Variants in C7orf57 observed in about 807,000 individuals in gnomAD.
C7orf57 encodes uncharacterized protein C7orf57.
A neutral mutation model predicts 39.0 loss-of-function variants in C7orf57; 33 were observed. The observed-to-expected ratio is 0.85, with a 90% CI of 0.64 to 1.13. The LOEUF (loss-of-function observed/expected upper bound fraction) is 1.13, where lower values mean the gene tolerates loss of function less well. C7orf57 is among the 50% of genes most tolerant of loss of function. The pLI, the probability that C7orf57 is intolerant of heterozygous loss-of-function variation, is 0.00. For missense variants in C7orf57, 346 were observed against 362.3 expected (o/e 0.95, Z 0.37); for synonymous variants, 124 against 137.1 (o/e 0.90, Z 0.67).
intron 6 of C7orf57, among the ~76,000 whole-genome samples, chr7:48,051,829 T>C (rs1226929089): frequency 9.0e-5 from 4 of 44,516 alleles, no homozygotes; most frequent in East Asian, 4.0e-4. Flanking sequence ...CTTTCTTTCT[T>C]TCTTTCTTTC....
At position 48,035,756 on chromosome 7, in the gene C7orf57, G is replaced by T. The variant is rs559923986; in HGVS notation, c.-102+126G>T. ...GGAGGGAGGGGACCACCTTGTCGCC[G>T]GGTTGGGATGAGCACAGGGCGGGAT... On this transcript the variant is annotated intron_variant, in intron 1 of 8. Transcript: ENST00000348904. This position sits in a 1 kb window ranked among gnomAD's most constrained non-coding sequence, Gnocchi z 4.0. 2 of 583,624 alleles carry T rather than the reference G, an allele frequency of 3.4e-6. No individual in the cohort carries two copies. Among genetic ancestry groups the T allele is most frequent in the Admixed American group, 3.1e-5 (1 of 32,442 alleles). 36.2% of individuals were successfully genotyped at this position (583,624 alleles called of 1,614,324 possible). A position where few individuals can be genotyped will look rare whatever the true frequency, so the allele number is the denominator to read the frequency against.
chr7:48,049,845 C>T (rs887417091), intron 5 of C7orf57, 35 bp from the exon 6 acceptor site: 11 of 1,544,042 alleles, frequency 7.1e-6, no homozygotes, highest in Non-Finnish European at 9.8e-6. Flanking sequence ...GAATGCTTTC[C>T]ACTAACTCAA....
At position 48,049,963 on chromosome 7, in the gene C7orf57, C is replaced by T; in HGVS notation, c.591C>T (p.Leu197=). The change falls in exon 6 of 9, where the codon CTC becomes CTT. Residue 197 remains leucine, a synonymous_variant. Transcript: ENST00000348904. ...CTAAGAATCCTGCAGGAAGTAGACTCTCCTTCCCCCCCGTGTAAGTGCTTG... is the reference window on the plus strand; with the variant it reads ...CTAAGAATCCTGCAGGAAGTAGACTTTCCTTCCCCCCCGTGTAAGTGCTTG... ...LGPKNPAGSR[L]SFPPVPGQKN... The T allele has an allele frequency of 1.9e-6, 3 of 1,610,032 alleles. No individual in the cohort carries two copies. The highest frequency in any genetic ancestry group is 1.7e-6 in the Non-Finnish European group (2 of 1,176,410).
intron 8 of C7orf57, 90 bp downstream of exon 8, chr7:48,054,696 C>T (rs1423181442): frequency 1.8e-6 from 2 of 1,121,040 alleles, no homozygotes; most frequent in African/African-American, 3.2e-5. Context: ...GAGACTACAG[C>T]CTCTAGGCAG....
In C7orf57 at chr7:48,050,007, T is replaced by C. The variant is rs758712887; in HGVS notation, c.605+30T>C. The C allele has an allele frequency of 1.2e-5, 18 of 1,501,806 alleles. No individual in the cohort carries two copies. In the Admixed American group the frequency reaches 2.9e-4, roughly 24 times the overall value. The allele number at this position is 1,501,806 out of a possible 1,614,324, so 93.0% of individuals were successfully genotyped here. A position where few individuals can be genotyped will look rare whatever the true frequency, so the allele number is the denominator to read the frequency against. ...GTGCTTGAGCTACGCCCTCACTGTCTGGACTGGGTTTGGGTTTGGCCTTCC... is the reference window on the plus strand; with the variant it reads ...GTGCTTGAGCTACGCCCTCACTGTCCGGACTGGGTTTGGGTTTGGCCTTCC... On this transcript the variant is annotated intron_variant, in intron 6 of 8. Coordinates refer to ENST00000348904, the MANE Select transcript of C7orf57 (RefSeq NM_001100159.3).
chr7:48,036,451 A>G lies in C7orf57; in HGVS notation c.55+88A>G, dbSNP rs547919970. 1.9e-5 allele frequency: 24 copies of G among 1,279,612 alleles called. No individual in the cohort carries two copies. In the South Asian group the frequency reaches 2.0e-4, roughly 11 times the overall value. The allele number at this position is 1,279,612 out of a possible 1,614,324, so 79.3% of individuals were successfully genotyped here. A position where few individuals can be genotyped will look rare whatever the true frequency, so the allele number is the denominator to read the frequency against. ...ACACGCTGTGGACCCAACGTCCTCTATGTGGGCTGGAGGGGGGTGTGAACG... is the reference window on the plus strand; with the variant it reads ...ACACGCTGTGGACCCAACGTCCTCTGTGTGGGCTGGAGGGGGGTGTGAACG... On this transcript the variant is annotated intron_variant, in intron 2 of 8. Coordinates refer to ENST00000348904, the MANE Select transcript of C7orf57 (RefSeq NM_001100159.3).
intron 8 of C7orf57, 72 bp downstream of exon 8, chr7:48,054,678 T>C: frequency 7.4e-7 from 1 of 1,349,460 alleles, no homozygotes; most frequent in South Asian, 1.3e-5. Context: ...GACATAGTCC[T>C]GCATTCTGAG....
intron 4 of C7orf57, among the ~76,000 whole-genome samples, chr7:48,045,612 T>C (rs1429765139): frequency 6.6e-6 from 1 of 152,172 alleles, no homozygotes; most frequent in East Asian, 1.9e-4. Flanking sequence ...TGGGGCCTTT[T>C]TTCAGCATCC....
At chr7:48,036,828 A>G (rs1369665768) in intron 2 of C7orf57, among the ~76,000 whole-genome samples, 2 of 152,196 alleles carry the variant, frequency 1.3e-5, no homozygotes, top group African/African-American at 4.8e-5. Context: ...TAGTGTCTGG[A>G]TACAGGAAAA....
chr7:48,046,641 G>A (rs1345385296), intron 5 of C7orf57, 25 bp downstream of exon 5: 2 of 1,597,546 alleles, frequency 1.3e-6, no homozygotes, highest in South Asian at 2.3e-5. Context: ...TAAATAGACG[G>A]CATCCGCATC....
At chr7:48,042,434 T>C (rs117589277) in intron 3 of C7orf57, among the ~76,000 whole-genome samples, 2,090 of 152,292 alleles carry the variant, frequency 0.014, 33 homozygotes, top group Non-Finnish European at 0.016. Flanking sequence ...GGAATGTCTT[T>C]TGGCAGCATC....
chr7:48,041,229 C>A, intron 2 of C7orf57, 105 bp from the exon 3 acceptor site: 1 of 1,067,970 alleles, frequency 9.4e-7, no homozygotes, highest in Non-Finnish European at 1.3e-6. Context: ...GTGGCTTGCA[C>A]TGCCCCACCT....
rs1372491437 is a variant in C7orf57 at position 48,054,597 on chromosome 7, T to G, written c.832T>G (p.Ser278Ala). ...ASEGPEDTPE[S>A]SQSPEESVSA... The stretch of plus-strand genomic sequence containing the variant: ...AACGAATGTACTTTTTATTACAGAG[T>G]CTTCTCAAAGTGAGTACTTATAAAG... Residue 278 changes from serine to alanine, a missense_variant and splice_region_variant, in exon 8 of 9, where the codon TCT becomes GCT. Physicochemically the swap from Ser to Ala is moderately conservative, Grantham distance 99. Coordinates refer to ENST00000348904, the MANE Select transcript of C7orf57 (RefSeq NM_001100159.3). The G allele has an allele frequency of 1.3e-6, 2 of 1,549,126 alleles. No individual in the cohort carries two copies. Among genetic ancestry groups the G allele is most frequent in the African/African-American group, 2.7e-5 (2 of 72,862 alleles).
chr7:48,044,197 C>T (rs1052805560), intron 4 of C7orf57, among the ~76,000 whole-genome samples: 4 of 152,050 alleles, frequency 2.6e-5, no homozygotes, highest in African/African-American at 7.2e-5. Context: ...CTGCCGGATC[C>T]GGAGAGGTGG....
chr7:48,043,203 G>C (rs56138889), intron 3 of C7orf57, among the ~76,000 whole-genome samples: 3 of 152,276 alleles, frequency 2.0e-5, no homozygotes, highest in East Asian at 3.9e-4. Context: ...GGCCTGCATA[G>C]ATGCAGCTCA....
chr7:48,051,886 T>TC, intron 6 of C7orf57, among the ~76,000 whole-genome samples: 5 of 122,072 alleles, frequency 4.1e-5, no homozygotes, highest in South Asian at 3.1e-4. Context: ...TCTCTTTCTT[T>TC]CTTTCCTTCC....
chr7:48,055,253 A>T (rs1315249855), intron 8 of C7orf57, among the ~76,000 whole-genome samples: 1 of 152,212 alleles, frequency 6.6e-6, no homozygotes, highest in African/African-American at 2.4e-5. Context: ...TCGTCATGTG[A>T]GAGTCATACT....
rs71006546 is a variant in C7orf57, at chr7:48,051,347, A to ATTTTTTT, written c.606-1339_606-1333dup. 1.3e-3 allele frequency among the ~76,000 whole-genome samples: 90 copies of ATTTTTTT among 69,764 alleles called. 4 individuals carry two copies. The highest frequency in any genetic ancestry group is 1.5e-3 in the Non-Finnish European group (57 of 38,710). 45.8% of individuals were successfully genotyped at this position (69,764 alleles called of 152,430 possible). A position where few individuals can be genotyped will look rare whatever the true frequency, so the allele number is the denominator to read the frequency against. ...AGGTGCCTGCCACCACAGCTGGCTA[A>ATTTTTTT]TTTTTTTTTTTTTTTTTTTTGGAGA... On this transcript the variant is annotated intron_variant, in intron 6 of 8. Transcript: ENST00000348904.
intron 7 of C7orf57, 111 bp from the exon 8 acceptor site, chr7:48,054,484 T>C (rs951298787): frequency 9.4e-6 from 8 of 851,404 alleles, no homozygotes; most frequent in African/African-American, 5.2e-5. Context: ...TTATGACTTA[T>C]TGTTGTTTTA....
Sources: allele counts gnomAD v4.1 joint callset (sites outside exome capture counted in the v4.1 genomes callset), GRCh38; gene constraint gnomAD v4.1.1; non-coding constraint Gnocchi (gnomAD v3.1); transcripts MANE v1.5; gene names NCBI Gene and HGNC (gene_info 2026-07-23, HGNC 2026-07-21).